Variants in GOLM2 observed in about 807,000 individuals in gnomAD.
GOLM2 encodes golgi membrane protein 2, also known as protein GOLM2.
A neutral mutation model predicts 55.9 loss-of-function variants in GOLM2; 26 were observed. The ratio of observed to expected loss-of-function variants is 0.47; its 90% CI spans 0.34 to 0.65. The LOEUF (loss-of-function observed/expected upper bound fraction) is 0.65, where lower values mean the gene tolerates loss of function less well. GOLM2 is among the 30% of genes least tolerant of loss of function. The pLI is 0.01. For missense variants in GOLM2, 486 were observed against 531.8 expected, an observed-to-expected ratio of 0.91 and a Z score of 0.85; for synonymous variants, 165 against 194.6, an observed-to-expected ratio of 0.85 and a Z score of 1.27.
In GOLM2 at chr15:44,338,304, T is replaced by C. The variant is rs2079070612; in HGVS notation, c.789T>C (p.Asp263=). The change falls in exon 6 of 10, where the codon GAT becomes GAC. Residue 263 remains aspartate (D), a synonymous_variant. Transcript: ENST00000299957. ...AAGAGAATGACCTAGCAAAAGTTGA[T>C]GATCTTCCCCCTGGTAAGTAAAAAT... ...GIEENDLAKV[D]DLPPALRKPP... 1.9e-6 allele frequency: 3 copies of C among 1,613,146 alleles called. No homozygotes were observed. The highest frequency in any genetic ancestry group is 2.5e-6 in the Non-Finnish European group (3 of 1,179,162).
chr15:44,396,104 C>T (rs1020502880), intron 8 of GOLM2, among the ~76,000 whole-genome samples: 2 of 151,808 alleles, frequency 1.3e-5, no homozygotes, highest in African/African-American at 2.4e-5. Context: ...ACTGTAATCC[C>T]AGCACTTTGG....
intron 1 of GOLM2, among the ~76,000 whole-genome samples, chr15:44,318,368 C>T (rs1472921753): frequency 6.6e-6 from 1 of 152,220 alleles, no homozygotes; most frequent in East Asian, 1.9e-4. Context: ...CTCATCTTGC[C>T]CACTCTGGTC....
chr15:44,375,882 A>T (rs2063782241), intron 6 of GOLM2, among the ~76,000 whole-genome samples: 1 of 152,238 alleles, frequency 6.6e-6, no homozygotes, highest in Non-Finnish European at 1.5e-5. Flanking sequence ...TATATCCATA[A>T]AAGTGTAATA....
At chr15:44,394,460 C>CCATG (rs891102221) in intron 8 of GOLM2, among the ~76,000 whole-genome samples, 2 of 152,182 alleles carry the variant, frequency 1.3e-5, no homozygotes, top group Non-Finnish European at 2.9e-5. Flanking sequence ...ATTCTAGCTA[C>CCATG]CATGCTTCTT....
At chr15:44,349,783 A>G (rs1190617912) in intron 6 of GOLM2, among the ~76,000 whole-genome samples, 1 of 152,248 alleles carries the variant, frequency 6.6e-6, no homozygotes, top group Non-Finnish European at 1.5e-5. Flanking sequence ...TTGACGTTAT[A>G]TCAAGTATCT....
chr15:44,311,530 T>C (rs564459598), intron 1 of GOLM2, among the ~76,000 whole-genome samples: 25 of 151,526 alleles, frequency 1.6e-4, no homozygotes, highest in African/African-American at 6.1e-4. Context: ...TTCAAAGGAG[T>C]GGGGAGAGAC....
intron 1 of GOLM2, among the ~76,000 whole-genome samples, chr15:44,303,999 G>A (rs889410882): frequency 2.0e-4 from 31 of 151,744 alleles, no homozygotes; most frequent in African/African-American, 7.5e-4. Flanking sequence ...CAAAGTGCTA[G>A]GATTACAGGT....
At chr15:44,305,545 G>A (rs1042832872) in intron 1 of GOLM2, among the ~76,000 whole-genome samples, 2 of 152,110 alleles carry the variant, frequency 1.3e-5, no homozygotes, top group South Asian at 4.1e-4. Flanking sequence ...GTGTCCACCC[G>A]CCTCTGTCTC....
intron 6 of GOLM2, among the ~76,000 whole-genome samples, chr15:44,360,183 T>A (rs1378458420): frequency 1.0e-3 from 152 of 151,796 alleles, no homozygotes; most frequent in Non-Finnish European, 1.8e-3. Flanking sequence ...TAATGACAGG[T>A]TCAAATTCAC....
At chr15:44,371,090 T>A (rs2079326901) in intron 6 of GOLM2, among the ~76,000 whole-genome samples, 1 of 152,196 alleles carries the variant, frequency 6.6e-6, no homozygotes, top group Non-Finnish European at 1.5e-5. Flanking sequence ...CATATAGATT[T>A]CTGCTCTCCG....
chr15:44,364,140 GT>G (rs2079265606), intron 6 of GOLM2, among the ~76,000 whole-genome samples: 1 of 152,076 alleles, frequency 6.6e-6, no homozygotes, highest in Admixed American at 6.6e-5. Flanking sequence ...ACATGTATAT[GT>G]ATGTAACTAA....
Position 44,343,331 on chromosome 15 carries a change from A to AC in GOLM2, c.802+5016dup, listed in dbSNP as rs1257160698. Among the ~76,000 whole-genome samples the AC allele has an allele frequency of 3.3e-5, 5 of 151,886 alleles. No individual in the cohort carries two copies. The East Asian group carries it at 9.7e-4, about 29-fold the overall frequency. ...CTGGAAGACAGAAAAAAAAAAAAAA[A>AC]CCAACTTAGTTGTTGTTGTTATTAT... On this transcript the variant is annotated intron_variant, in intron 6 of 9. Transcript: ENST00000299957.
At position 44,289,356 on chromosome 15, in the gene GOLM2, G is replaced by A. The variant is rs774270905; in HGVS notation, c.327G>A (p.Lys109=). 15 of 1,609,666 alleles carry A rather than the reference G, an allele frequency of 9.3e-6. No homozygotes were observed. The East Asian group carries it at 2.5e-4, about 26-fold the overall frequency. Residue 109 remains lysine (K), a splice_region_variant and synonymous_variant, in exon 1 of 10, where the codon AAG becomes AAA. Coordinates refer to ENST00000299957, the MANE Select transcript of GOLM2 (RefSeq NM_138423.4). This position sits in a 1 kb window ranked among gnomAD's most constrained non-coding sequence, Gnocchi z 4.8. Reference sequence around the variant, plus strand: ...TCGGGAAGAGATGCGAGGATGACAAGGTAAGGACGACCCTTTTCTCTTCAA... The same window carrying A: ...TCGGGAAGAGATGCGAGGATGACAAAGTAAGGACGACCCTTTTCTCTTCAA... The part of the protein sequence containing the change: ...EGLGKRCEDD[K]VKLQNNISYQ...
intron 9 of GOLM2, 108 bp from the exon 10 acceptor site, chr15:44,413,228 A>G: frequency 1.4e-6 from 1 of 733,124 alleles, no homozygotes; most frequent in African/African-American, 1.8e-5. Flanking sequence ...CTAGGTGTAA[A>G]ATAACAAGCA....
intron 6 of GOLM2, among the ~76,000 whole-genome samples, chr15:44,347,597 G>T (rs1252344474): frequency 6.6e-6 from 1 of 152,108 alleles, no homozygotes; most frequent in Non-Finnish European, 1.5e-5. Context: ...GTGCTTTGGG[G>T]TCTTAAATGA....
At chr15:44,394,621 A>G (rs1268286098) in intron 8 of GOLM2, among the ~76,000 whole-genome samples, 1 of 152,216 alleles carries the variant, frequency 6.6e-6, no homozygotes, top group Non-Finnish European at 1.5e-5. Flanking sequence ...AATCAATTCA[A>G]AAGCCAGTCA....
chr15:44,394,286 C>T (rs1261591888), intron 8 of GOLM2, among the ~76,000 whole-genome samples: 1 of 152,136 alleles, frequency 6.6e-6, no homozygotes, highest in African/African-American at 2.4e-5. Flanking sequence ...TGAGCAACCA[C>T]GGAATACATT....
intron 1 of GOLM2, among the ~76,000 whole-genome samples, chr15:44,317,238 G>A (rs752506042): frequency 1.6e-4 from 25 of 152,028 alleles, no homozygotes; most frequent in Non-Finnish European, 2.9e-4. Flanking sequence ...TTATCTGGGC[G>A]TGGTAGCACA....
intron 6 of GOLM2, chr15:44,355,127 C>A: frequency 5.1e-6 from 1 of 197,794 alleles, no homozygotes; most frequent in South Asian, 1.1e-4. Flanking sequence ...CAATCATCAG[C>A]ATTGCCTCCT....
Sources: gnomAD v4.1 joint callset for allele counts (sites outside exome capture counted in the v4.1 genomes callset) on GRCh38, gnomAD v4.1.1 for gene constraint, Gnocchi (gnomAD v3.1) non-coding constraint, MANE v1.5 for transcripts, NCBI Gene and HGNC (gene_info 2026-07-23, HGNC 2026-07-21) for gene names.